The following MTF1 variants were observed in gnomAD, a reference collection of about 807,000 sequenced individuals.
MTF1 encodes metal regulatory transcription factor 1.
A neutral mutation model predicts 70.4 loss-of-function variants in MTF1; 22 were observed. The observed-to-expected ratio is 0.31, with a 90% CI of 0.22 to 0.45. The LOEUF (loss-of-function observed/expected upper bound fraction) is 0.45, where lower values mean the gene tolerates loss of function less well. Among genes scored for constraint, MTF1 ranks in the 20% least tolerant of loss-of-function variants. MTF1 has a pLI of 1.00. For missense variants in MTF1, 649 were observed against 922.0 expected (o/e 0.70, Z 3.83); for synonymous variants, 333 against 352.8 (o/e 0.94, Z 0.63).
chr1:37,837,880 T>C (rs970054446), intron 4 of MTF1, among the ~76,000 whole-genome samples: 5 of 152,198 alleles, frequency 3.3e-5, no homozygotes, highest in African/African-American at 1.2e-4. Flanking sequence ...CCTTACAAAC[T>C]GATTATCTCA....
chr1:37,857,479 A>G lies in MTF1; in HGVS notation c.180T>C (p.Asp60=), dbSNP rs1321339615. 6.2e-7 allele frequency: 1 copy of G among 1,614,178 alleles called. No homozygotes were observed. Residue 60 remains aspartate, a synonymous_variant, in exon 2 of 11, where the codon GAT becomes GAC. Transcript: ENST00000373036. Reference sequence around the variant, plus strand: ...CTCCGCACTGTCCGTCGTCATCTTCATCCTCCAAAGTGCCAGGGTCCTGCT... The same window carrying G: ...CTCCGCACTGTCCGTCGTCATCTTCGTCCTCCAAAGTGCCAGGGTCCTGCT... ...LIEQDPGTLE[D]EDDDGQCGEH... is the part of the protein sequence containing the mutation.
chr1:37,821,175 A>T (rs1640904753), intron 9 of MTF1, among the ~76,000 whole-genome samples: 1 of 150,748 alleles, frequency 6.6e-6, no homozygotes, highest in African/African-American at 2.4e-5. Context: ...CAAAATATAT[A>T]ATAATAATAA....
chr1:37,821,527 C>G (rs1385229980), intron 9 of MTF1, among the ~76,000 whole-genome samples: 1 of 152,116 alleles, frequency 6.6e-6, no homozygotes, highest in Non-Finnish European at 1.5e-5. Flanking sequence ...TCTGTATCCT[C>G]CAGATACTCA....
intron 7 of MTF1, among the ~76,000 whole-genome samples, chr1:37,824,269 T>C (rs556728375): frequency 6.6e-6 from 1 of 152,326 alleles, no homozygotes; most frequent in Admixed American, 6.5e-5. Context: ...TGTGCTACTT[T>C]TGCTACAATG....
intron 2 of MTF1, among the ~76,000 whole-genome samples, chr1:37,845,059 T>C (rs1205791643): frequency 3.3e-5 from 5 of 152,256 alleles, no homozygotes; most frequent in Non-Finnish European, 7.3e-5. Context: ...CCGGCTGGAC[T>C]GTAAGCTCCA....
chr1:37,843,420 G>A (rs182891818), intron 2 of MTF1, among the ~76,000 whole-genome samples: 114 of 152,268 alleles, frequency 7.5e-4, no homozygotes, highest in Middle Eastern at 6.9e-3. Context: ...TTAAAAGCCC[G>A]GGAGGAGGGG....
chr1:37,824,756 A>G (rs1469356188), intron 7 of MTF1, among the ~76,000 whole-genome samples: 1 of 152,228 alleles, frequency 6.6e-6, no homozygotes, highest in African/African-American at 2.4e-5. Flanking sequence ...CTCATGTAAT[A>G]ATAACATTGT....
chr1:37,857,414 T>A lies in MTF1; in HGVS notation c.245A>T (p.His82Leu). ...GGACATTGCTTCATGATCTATCAGG[T>A]GAAAGCCCTCTTCACCCCCTACTAG... ...PFLVGGEEGFHLIDHEAMSQG... is the reference protein window; with the variant it reads ...PFLVGGEEGFLLIDHEAMSQG... The change falls in exon 2 of 11, where the codon CAC (histidine) becomes CTC (leucine). Residue 82 changes from histidine (H) to leucine (L), a missense_variant. By Grantham distance (99) the His-to-Leu change is moderately conservative (BLOSUM62 -3). Around this residue, in one of 7 missense-constraint regions of MTF1, gnomAD observed 44 missense variants for 38.1 expected, o/e 1.15. Transcript: ENST00000373036. 6.2e-7 allele frequency: 1 copy of A among 1,614,146 alleles called. No homozygotes were observed. The highest frequency in any genetic ancestry group is 1.3e-5 in the African/African-American group (1 of 75,030).
intron 4 of MTF1, among the ~76,000 whole-genome samples, chr1:37,837,491 ATTGT>A (rs1329706044): frequency 6.6e-6 from 1 of 151,912 alleles, no homozygotes; most frequent in Non-Finnish European, 1.5e-5. Context: ...ATTCAAATAC[ATTGT>A]TTATTTTTTT....
Position 37,840,256 on chromosome 1 carries a change from T to C in MTF1, c.409-98A>G. On this transcript the variant is annotated intron_variant, in intron 2 of 10. Coordinates refer to ENST00000373036, the MANE Select transcript of MTF1 (RefSeq NM_005955.3). This position sits in a 1 kb window ranked among gnomAD's most constrained non-coding sequence, Gnocchi z 4.5. The stretch of plus-strand genomic sequence containing the variant: ...AGCTCCCAAGAGATGCTGTGGACAA[T>C]ACAACTGGGTTTTCATCATAAACAC... The C allele has an allele frequency of 1.9e-6, 2 of 1,074,976 alleles. No individual in the cohort carries two copies. Among genetic ancestry groups the C allele is most frequent in the Non-Finnish European group, 2.8e-6 (2 of 720,798 alleles). 66.6% of individuals were successfully genotyped at this position (1,074,976 alleles called of 1,614,324 possible).
chr1:37,836,628 A>C (rs1189967834), intron 4 of MTF1, among the ~76,000 whole-genome samples: 1 of 152,088 alleles, frequency 6.6e-6, no homozygotes, highest in Non-Finnish European at 1.5e-5. Context: ...TTCTCTGTGG[A>C]TACATCTGGT....
chr1:37,849,588 T>A (rs1236782716), intron 2 of MTF1, among the ~76,000 whole-genome samples: 1 of 152,164 alleles, frequency 6.6e-6, no homozygotes, highest in Non-Finnish European at 1.5e-5. Context: ...TATAGAAAAC[T>A]GGCAAGGTCA....
Position 37,817,400 on chromosome 1 carries a change from C to T in MTF1, c.1831+19G>A. ...CCCACAGAGTTGCCTTCTCTTAAGG[C>T]TAACATGGAATTACATACCTGGGCT... On this transcript the variant is annotated intron_variant, in intron 10 of 10. Coordinates refer to ENST00000373036, the MANE Select transcript of MTF1 (RefSeq NM_005955.3). 1 of 1,558,602 alleles carries T rather than the reference C, an allele frequency of 6.4e-7. No individual in the cohort carries two copies. The highest frequency in any genetic ancestry group is 8.9e-7 in the Non-Finnish European group (1 of 1,129,546).
Position 37,822,368 on chromosome 1 carries a change from G to A in MTF1, c.1520C>T (p.Ala507Val), listed in dbSNP as rs759819739. Residue 507 changes from alanine to valine, a missense_variant, in exon 9 of 11, where the codon GCA (alanine) becomes GTA (valine). Physicochemically the swap from Ala to Val is moderately conservative, Grantham distance 64 (BLOSUM62 0). Around this residue, in one of 7 missense-constraint regions of MTF1, gnomAD observed 267 missense variants for 292.1 expected, o/e 0.91. Coordinates refer to ENST00000373036, the MANE Select transcript of MTF1 (RefSeq NM_005955.3). ...PGLSVVAGAS[A>V]SAAAVASAVA... ...AGCTGATGCCACTGCCGCTGCTGAT[G>A]CAGAAGCCCCAGCAACAACAGAAAG... 3 of 1,613,566 alleles carry A rather than the reference G, an allele frequency of 1.9e-6. No homozygotes were observed. Among genetic ancestry groups the A allele is most frequent in the African/African-American group, 1.3e-5 (1 of 74,926 alleles).
At chr1:37,816,127 G>A (rs919982063) in intron 10 of MTF1, among the ~76,000 whole-genome samples, 1 of 152,180 alleles carries the variant, frequency 6.6e-6, no homozygotes, top group Non-Finnish European at 1.5e-5. Flanking sequence ...TGCCTGCCCA[G>A]GAGACTCTGA....
In MTF1 at chr1:37,811,666, C is replaced by T. The variant is rs1640738516; in HGVS notation, c.*3470G>A. 6.6e-6 allele frequency: 1 copy of T among 152,212 alleles called. No homozygotes were observed. Among genetic ancestry groups the T allele is most frequent in the African/African-American group, 2.4e-5 (1 of 41,444 alleles). The allele number at this position is 152,212 out of a possible 1,614,324, so 9.4% of individuals were successfully genotyped here. On this transcript the variant is annotated 3_prime_UTR_variant, in exon 11 of 11. Transcript: ENST00000373036. ...CTCTCAGGAAAACCCACCCACCCTC[C>T]AATATCCCCATCAGTCCACAGCCTT... is the stretch of plus-strand genomic sequence containing the variant.
At chr1:37,844,214 A>C (rs1641298966) in intron 2 of MTF1, among the ~76,000 whole-genome samples, 1 of 152,188 alleles carries the variant, frequency 6.6e-6, no homozygotes, top group Admixed American at 6.5e-5. Flanking sequence ...GCCAAACAGA[A>C]GACTCTGTCT....
chr1:37,818,513 G>A (rs1013363941), intron 9 of MTF1, among the ~76,000 whole-genome samples: 5 of 151,668 alleles, frequency 3.3e-5, no homozygotes, highest in African/African-American at 1.2e-4. Flanking sequence ...GACCATCCTA[G>A]CTAACATAGT....
chr1:37,818,633 G>A (rs1640858998), intron 9 of MTF1, among the ~76,000 whole-genome samples: 5 of 151,474 alleles, frequency 3.3e-5, no homozygotes, highest in Admixed American at 2.6e-4. Flanking sequence ...GAACCCGGGT[G>A]GTGGAGCTTG....
Sources: gnomAD v4.1 joint callset for allele counts (sites outside exome capture counted in the v4.1 genomes callset) on GRCh38, gnomAD v4.1.1 for gene constraint, gnomAD v4.1.1 regional missense constraint, Gnocchi (gnomAD v3.1) non-coding constraint, MANE v1.5 for transcripts, NCBI Gene and HGNC (gene_info 2026-07-23, HGNC 2026-07-21) for gene names.